The following CCDC60 variants were observed in gnomAD, a reference collection of about 807,000 sequenced individuals.
CCDC60 encodes the protein coiled-coil domain-containing protein 60.
Under a neutral mutation model 63.5 loss-of-function variants are expected in CCDC60, and 54 were observed. The observed-to-expected ratio is 0.85, with a 90% CI of 0.68 to 1.07. CCDC60 has a LOEUF of 1.07. Among genes scored for constraint, CCDC60 ranks in the 50% least tolerant of loss-of-function variants. The pLI is 0.00. For missense variants in CCDC60, 651 were observed against 684.3 expected (o/e 0.95, Z 0.54); for synonymous variants, 206 against 238.8 (o/e 0.86, Z 1.27).
chr12:119,507,591 C>CAT (rs57668490), intron 7 of CCDC60, among the ~76,000 whole-genome samples: 1,670 of 22,924 alleles, frequency 0.073, 101 homozygotes, highest in South Asian at 0.1. Context: ...CATATATATA[C>CAT]ATATATATAT....
rs758916031 is a variant in CCDC60 at position 119,505,300 on chromosome 12, A to G, written c.880A>G (p.Met294Val). ...CAAGCCAGATGAAGAACCTCTGTAT[A>G]TGAGTAAGTCCTACCTGAGATCTGA... ...STKPDEEPLY[M>V]NLQKLLEMVR... The change falls in exon 7 of 14, where the codon ATG becomes GTG. Residue 294 changes from methionine (M) to valine (V), a missense_variant. Transcript: ENST00000327554. 7 of 1,600,638 alleles carry G rather than the reference A, an allele frequency of 4.4e-6. No individual in the cohort carries two copies. In the Admixed American group the frequency reaches 1.0e-4, roughly 23 times the overall value.
chr12:119,361,464 A>C (rs1193862892), intron 1 of CCDC60, among the ~76,000 whole-genome samples: 1 of 152,154 alleles, frequency 6.6e-6, no homozygotes, highest in African/African-American at 2.4e-5. Flanking sequence ...TTGAGTGTCA[A>C]AATGGCCACC....
At chr12:119,405,680 C>T (rs953423386) in intron 1 of CCDC60, among the ~76,000 whole-genome samples, 2 of 152,214 alleles carry the variant, frequency 1.3e-5, no homozygotes, top group Non-Finnish European at 2.9e-5. Flanking sequence ...TTTGCTACTT[C>T]CTCCAATGAC....
At position 119,415,599 on chromosome 12, in the gene CCDC60, G is replaced by A. The variant is rs573222506; in HGVS notation, c.91-13084G>A. 5.3e-5 allele frequency among the ~76,000 whole-genome samples: 8 copies of A among 152,308 alleles called. No individual in the cohort carries two copies. The South Asian group carries it at 8.3e-4, about 16-fold the overall frequency. On this transcript the variant is annotated intron_variant, in intron 1 of 13. Transcript: ENST00000327554. Reference sequence around the variant, plus strand: ...AGGAAAACAAGAATGGAGGAGAGAGGTCATCGGAGGCTGTGTCTGTTGTCC... The same window carrying A: ...AGGAAAACAAGAATGGAGGAGAGAGATCATCGGAGGCTGTGTCTGTTGTCC...
chr12:119,405,462 G>A lies in CCDC60; in HGVS notation c.91-23221G>A, dbSNP rs190405137. The stretch of plus-strand genomic sequence containing the variant: ...GCTTGTTGTGCTTGTTGATTTTCAC[G>A]GTAACAAAGTCGGGCTCTGTATTTT... On this transcript the variant is annotated intron_variant, in intron 1 of 13. Transcript: ENST00000327554. Among the ~76,000 whole-genome samples the A allele has an allele frequency of 3.3e-4, 50 of 152,238 alleles. 1 individual carries two copies. The East Asian group carries it at 8.7e-3, about 26-fold the overall frequency.
intron 4 of CCDC60, among the ~76,000 whole-genome samples, chr12:119,484,417 A>G (rs1210416663): frequency 6.6e-6 from 1 of 152,108 alleles, no homozygotes; most frequent in Non-Finnish European, 1.5e-5. Flanking sequence ...GGTTCTGTGT[A>G]TAAGAATTGT....
intron 1 of CCDC60, among the ~76,000 whole-genome samples, chr12:119,425,932 G>A (rs960566586): frequency 2.0e-5 from 3 of 152,344 alleles, no homozygotes; most frequent in African/African-American, 7.2e-5. Context: ...CAAGTGCTGA[G>A]TGAAGGAAAG....
chr12:119,362,130 A>G (rs1289849214), intron 1 of CCDC60, among the ~76,000 whole-genome samples: 2 of 152,182 alleles, frequency 1.3e-5, no homozygotes, highest in Non-Finnish European at 2.9e-5. Context: ...AGCTGTGTCT[A>G]TATCTATCTA....
chr12:119,435,878 G>T (rs1024635404), intron 2 of CCDC60, among the ~76,000 whole-genome samples: 8 of 152,172 alleles, frequency 5.3e-5, no homozygotes, highest in South Asian at 4.1e-4. Flanking sequence ...CAGGGAGGTG[G>T]TTTTGCTGAT....
intron 2 of CCDC60, among the ~76,000 whole-genome samples, chr12:119,432,023 G>A (rs1010705385): frequency 6.6e-6 from 1 of 152,202 alleles, no homozygotes; most frequent in African/African-American, 2.4e-5. Flanking sequence ...AGTTAGTTCA[G>A]CTTACGCCCA....
At position 119,530,866 on chromosome 12, in the gene CCDC60, A is replaced by G. The variant is rs776836594; in HGVS notation, c.1362-8A>G. The G allele has an allele frequency of 6.2e-7, 1 of 1,610,428 alleles. No individual in the cohort carries two copies. Among genetic ancestry groups the G allele is most frequent in the South Asian group, 1.1e-5 (1 of 90,686 alleles). ...TTCCTAACTTGTCCTCTCCTTTTGGAATTGAAGGTACTTTGATCTGTTGTC... is the reference window on the plus strand; with the variant it reads ...TTCCTAACTTGTCCTCTCCTTTTGGGATTGAAGGTACTTTGATCTGTTGTC... On this transcript the variant is annotated splice_polypyrimidine_tract_variant and splice_region_variant and intron_variant, in intron 12 of 13. Transcript: ENST00000327554.
chr12:119,387,750 A>T (rs1192258758), intron 1 of CCDC60, among the ~76,000 whole-genome samples: 1 of 152,194 alleles, frequency 6.6e-6, no homozygotes, highest in Non-Finnish European at 1.5e-5. Context: ...ATAAAAATTT[A>T]CCTAATTGCT....
At chr12:119,441,268 C>A (rs1422237375) in intron 2 of CCDC60, among the ~76,000 whole-genome samples, 1 of 152,180 alleles carries the variant, frequency 6.6e-6, no homozygotes, top group Non-Finnish European at 1.5e-5. Context: ...TAAATCTCTT[C>A]CTGTTGGGAT....
At chr12:119,525,033 G>A (rs147122265) in intron 11 of CCDC60, among the ~76,000 whole-genome samples, 2 of 152,138 alleles carry the variant, frequency 1.3e-5, no homozygotes, top group East Asian at 3.9e-4. Flanking sequence ...TACCAGTCAT[G>A]GATGTAAGAG....
intron 13 of CCDC60, among the ~76,000 whole-genome samples, chr12:119,533,250 CTT>C (rs1952908225): frequency 6.6e-6 from 1 of 152,144 alleles, no homozygotes; most frequent in African/African-American, 2.4e-5. Context: ...CCTTCACCTA[CTT>C]TTTGATGGCG....
intron 1 of CCDC60, among the ~76,000 whole-genome samples, chr12:119,425,899 A>G (rs1371289080): frequency 6.6e-6 from 1 of 152,178 alleles, no homozygotes; most frequent in Non-Finnish European, 1.5e-5. Context: ...TGCTGCTGGT[A>G]ACCATGAGCA....
chr12:119,398,024 G>A (rs1176314447), intron 1 of CCDC60, among the ~76,000 whole-genome samples: 20 of 34,896 alleles, frequency 5.7e-4, no homozygotes, highest in African/African-American at 2.9e-3. Flanking sequence ...AGGGGGCGGC[G>A]GGAGGGAGGA....
chr12:119,372,692 C>T (rs1162568908), intron 1 of CCDC60, among the ~76,000 whole-genome samples: 1 of 152,170 alleles, frequency 6.6e-6, no homozygotes, highest in Non-Finnish European at 1.5e-5. Flanking sequence ...GCCTTATCAG[C>T]AGGCATGACA....
intron 1 of CCDC60, among the ~76,000 whole-genome samples, chr12:119,426,773 C>G (rs1014243604): frequency 3.3e-5 from 5 of 152,158 alleles, no homozygotes; most frequent in African/African-American, 4.8e-5. Flanking sequence ...TTGGCCAACC[C>G]AGGAGAAAAA....
Sources: allele counts gnomAD v4.1 joint callset (sites outside exome capture counted in the v4.1 genomes callset), GRCh38; gene constraint gnomAD v4.1.1; transcripts MANE v1.5; gene names NCBI Gene and HGNC (gene_info 2026-07-23, HGNC 2026-07-21).